SYN2: variants seen among roughly 807,000 people sequenced by gnomAD.
The protein encoded by SYN2 is synapsin II.
A neutral mutation model predicts 50.9 loss-of-function variants in SYN2; 19 were observed. The observed-to-expected ratio is 0.37, with a 90% CI of 0.26 to 0.55. The LOEUF (loss-of-function observed/expected upper bound fraction) is 0.55, where lower values mean the gene tolerates loss of function less well. Ranked by LOEUF, SYN2 falls within the 20% of genes least tolerant of loss-of-function variation. The pLI is 0.81. For synonymous variants in SYN2, 255 were observed against 224.9 expected (o/e 1.13, Z -1.20); for missense variants, 587 against 576.4 (o/e 1.02, Z -0.19).
At chr3:12,087,735 A>G (rs1695735680) in intron 1 of SYN2, among the ~76,000 whole-genome samples, 1 of 152,112 alleles carries the variant, frequency 6.6e-6, no homozygotes, top group Admixed American at 6.5e-5. Flanking sequence ...CCTAGGTGAC[A>G]CAGTGAGGCC....
chr3:12,119,756 TG>T (rs1170742917), intron 1 of SYN2, among the ~76,000 whole-genome samples: 1 of 152,194 alleles, frequency 6.6e-6, no homozygotes, highest in African/African-American at 2.4e-5. Flanking sequence ...GCTCCTTAGC[TG>T]CCTATTTCTT....
chr3:12,153,692 T>A, intron 5 of SYN2: 8 of 1,614,192 alleles, frequency 5.0e-6, no homozygotes, highest in Non-Finnish European at 6.8e-6. Context: ...TGGTACAGGG[T>A]ACTGTGTAGC....
At chr3:12,063,236 A>T (rs1269648347) in intron 1 of SYN2, among the ~76,000 whole-genome samples, 4 of 152,056 alleles carry the variant, frequency 2.6e-5, no homozygotes, top group African/African-American at 9.7e-5. Context: ...AATTTTAAAA[A>T]ATCACTTAGG....
chr3:12,131,057 T>TA (rs1306560471), intron 1 of SYN2, among the ~76,000 whole-genome samples: 1 of 152,168 alleles, frequency 6.6e-6, no homozygotes, highest in Non-Finnish European at 1.5e-5. Context: ...TGCATATGCT[T>TA]ATGCAGGTTG....
intron 1 of SYN2, among the ~76,000 whole-genome samples, chr3:12,024,669 A>G (rs1158249114): frequency 2.0e-5 from 3 of 152,192 alleles, no homozygotes; most frequent in Non-Finnish European, 4.4e-5. Context: ...AATATATCAC[A>G]GTTTATGCAT....
chr3:12,042,248 T>C (rs550551802), intron 1 of SYN2, among the ~76,000 whole-genome samples: 13 of 152,202 alleles, frequency 8.5e-5, no homozygotes, highest in Non-Finnish European at 1.8e-4. Flanking sequence ...CACAAAATGC[T>C]CTCACATTTA....
At chr3:12,088,423 T>G (rs147592249) in intron 1 of SYN2, among the ~76,000 whole-genome samples, 1 of 151,658 alleles carries the variant, frequency 6.6e-6, no homozygotes, top group African/African-American at 2.4e-5. Flanking sequence ...ATTGGGGGGG[T>G]TGTGAAGAAA....
chr3:12,092,725 C>T (rs1475997120), intron 1 of SYN2, among the ~76,000 whole-genome samples: 1 of 152,180 alleles, frequency 6.6e-6, no homozygotes, highest in Non-Finnish European at 1.5e-5. Context: ...TGTTTCAGCA[C>T]TGACTCTAGT....
rs988370808 is a variant in SYN2 at position 12,191,314 on chromosome 3, C to T, written c.*689C>T. ...CAGAGCTGCACTATAGAGGAGAATGCATGCCACTATGACAGCAGTATGCCA... is the reference window on the plus strand; with the variant it reads ...CAGAGCTGCACTATAGAGGAGAATGTATGCCACTATGACAGCAGTATGCCA... On this transcript the variant is annotated 3_prime_UTR_variant, in exon 13 of 13. Coordinates refer to ENST00000621198, the MANE Select transcript of SYN2 (RefSeq NM_133625.6). The T allele has an allele frequency of 5.6e-6, 2 of 356,362 alleles. No individual in the cohort carries two copies. Among genetic ancestry groups the T allele is most frequent in the Non-Finnish European group, 7.8e-6 (2 of 255,020 alleles). The allele number at this position is 356,362 out of a possible 1,614,324, so 22.1% of individuals were successfully genotyped here.
intron 1 of SYN2, among the ~76,000 whole-genome samples, chr3:12,098,661 T>G (rs1695998206): frequency 6.6e-6 from 1 of 151,690 alleles, no homozygotes; most frequent in Non-Finnish European, 1.5e-5. Flanking sequence ...AATAAAAAAT[T>G]AAGATATAGG....
At chr3:12,014,294 G>A in intron 1 of SYN2, among the ~76,000 whole-genome samples, 1 of 152,208 alleles carries the variant, frequency 6.6e-6, no homozygotes, top group South Asian at 2.1e-4. Context: ...CAAAGGATGA[G>A]ATAAGGGATA....
intron 12 of SYN2, among the ~76,000 whole-genome samples, chr3:12,189,845 G>A (rs1405099565): frequency 6.6e-6 from 1 of 152,144 alleles, no homozygotes; most frequent in Non-Finnish European, 1.5e-5. Flanking sequence ...GGAAATTGAA[G>A]TGTTAGAGTT....
At chr3:12,180,827 A>T (rs1042676755) in intron 10 of SYN2, among the ~76,000 whole-genome samples, 1 of 152,074 alleles carries the variant, frequency 6.6e-6, no homozygotes, top group African/African-American at 2.4e-5. Flanking sequence ...GTATATTCCT[A>T]TGGCTGAGGA....
intron 1 of SYN2, among the ~76,000 whole-genome samples, chr3:12,044,589 G>A (rs1171128966): frequency 6.6e-6 from 1 of 152,130 alleles, no homozygotes; most frequent in Non-Finnish European, 1.5e-5. Flanking sequence ...GAAAATAGGA[G>A]GAATCCTTTT....
At chr3:12,176,723 G>A (rs1698079269) in intron 10 of SYN2, among the ~76,000 whole-genome samples, 1 of 152,222 alleles carries the variant, frequency 6.6e-6, no homozygotes, top group Non-Finnish European at 1.5e-5. Flanking sequence ...TCTATGTTAT[G>A]AGTAAAAGTT....
At chr3:12,062,473 CAT>C (rs1361353898) in intron 1 of SYN2, among the ~76,000 whole-genome samples, 1 of 151,792 alleles carries the variant, frequency 6.6e-6, no homozygotes, top group Non-Finnish European at 1.5e-5. Flanking sequence ...GCACCAAAAA[CAT>C]AATCTGTGAA....
intron 1 of SYN2, among the ~76,000 whole-genome samples, chr3:12,048,607 T>C (rs1436251541): frequency 6.6e-6 from 1 of 152,242 alleles, no homozygotes; most frequent in Non-Finnish European, 1.5e-5. Context: ...GAACGCTTAT[T>C]GTGTGCCAGG....
At chr3:12,118,636 T>C (rs1403651554) in intron 1 of SYN2, among the ~76,000 whole-genome samples, 1 of 152,186 alleles carries the variant, frequency 6.6e-6, no homozygotes, top group Non-Finnish European at 1.5e-5. Flanking sequence ...GCTGTTGACC[T>C]CATATAAGTT....
chr3:12,053,311 C>T (rs928987844), intron 1 of SYN2, among the ~76,000 whole-genome samples: 3 of 152,100 alleles, frequency 2.0e-5, no homozygotes, highest in African/African-American at 7.2e-5. Flanking sequence ...GTCCCAGCTA[C>T]TCAGGAGGCT....
Sources: gnomAD v4.1 joint callset for allele counts (sites outside exome capture counted in the v4.1 genomes callset) on GRCh38, gnomAD v4.1.1 for gene constraint, MANE v1.5 for transcripts, NCBI Gene and HGNC (gene_info 2026-07-23, HGNC 2026-07-21) for gene names.